The following UBN2 variants were observed in gnomAD, a reference collection of about 807,000 sequenced individuals.
UBN2 encodes the protein ubinuclein 2.
In UBN2, 35 loss-of-function variants were observed where a neutral mutation model predicts 120.2. That is an observed-to-expected ratio of 0.29 (90% CI 0.22 to 0.39). The LOEUF is 0.39. Ranked by LOEUF, UBN2 falls within the 10% of genes least tolerant of loss-of-function variation. The probability of loss-of-function intolerance (pLI) is 1.00; values close to 1 mark genes in which losing one functional copy is unlikely to be tolerated. For synonymous variants in UBN2, 661 were observed against 648.7 expected (o/e 1.02, Z -0.29); for missense variants, 1,693 against 1,663.2 (o/e 1.02, Z -0.31).
chr7:139,269,051 A>T (rs184861554), intron 7 of UBN2, among the ~76,000 whole-genome samples: 1 of 152,146 alleles, frequency 6.6e-6, no homozygotes, highest in Non-Finnish European at 1.5e-5. Flanking sequence ...TACTAAAAAT[A>T]CAAAAAACTT....
At chr7:139,254,652 A>G (rs2130966094) in intron 3 of UBN2, among the ~76,000 whole-genome samples, 1 of 152,386 alleles carries the variant, frequency 6.6e-6, no homozygotes, top group East Asian at 1.9e-4. Context: ...AACATGAAGC[A>G]AGTGCAAAGC....
At position 139,293,089 on chromosome 7, in the gene UBN2, C is replaced by T. The variant is rs80146900; in HGVS notation, c.3670-143C>T. ...AAATAACAGCGTCTAAGGAACCTACCGTGGTAATGAAGAGCCTGTCTCACA... is the reference window on the plus strand; with the variant it reads ...AAATAACAGCGTCTAAGGAACCTACTGTGGTAATGAAGAGCCTGTCTCACA... On this transcript the variant is annotated intron_variant, in intron 15 of 17. Coordinates refer to ENST00000473989, the MANE Select transcript of UBN2 (RefSeq NM_173569.4). The T allele has an allele frequency of 8.9e-3, 5,875 of 658,786 alleles. 118 individuals carry two copies. The highest frequency in any genetic ancestry group is 0.057 in the African/African-American group (3,150 of 55,136). 40.8% of individuals were successfully genotyped at this position (658,786 alleles called of 1,614,324 possible). A position where few individuals can be genotyped will look rare whatever the true frequency, so the allele number is the denominator to read the frequency against.
chr7:139,313,461 CTG>C, the UBN2 span, among the ~76,000 whole-genome samples: 1 of 152,118 alleles, frequency 6.6e-6, no homozygotes, highest in Admixed American at 6.5e-5. Flanking sequence ...TTTTGCTAAA[CTG>C]TTATTCTAAT....
At chr7:139,291,060 C>T (rs1258331632) in intron 15 of UBN2, among the ~76,000 whole-genome samples, 1 of 152,086 alleles carries the variant, frequency 6.6e-6, no homozygotes, top group Admixed American at 6.6e-5. Context: ...ATTCCATTTT[C>T]CTGATCAAAT....
At chr7:139,239,644 A>G (rs573375741) in intron 2 of UBN2, among the ~76,000 whole-genome samples, 1 of 133,690 alleles carries the variant, frequency 7.5e-6, no homozygotes, top group Admixed American at 9.2e-5. Flanking sequence ...TGCAACCTCC[A>G]CTTCCCAGGT....
At chr7:139,318,638 G>A in the UBN2 span, among the ~76,000 whole-genome samples, 1 of 152,028 alleles carries the variant, frequency 6.6e-6, no homozygotes, top group South Asian at 2.1e-4. Flanking sequence ...TGGGACTACA[G>A]GTGCGTGCCA....
intron 2 of UBN2, among the ~76,000 whole-genome samples, chr7:139,240,273 G>T (rs1462634169): frequency 6.6e-6 from 1 of 150,538 alleles, no homozygotes; most frequent in Non-Finnish European, 1.5e-5. Flanking sequence ...TATGAGTATT[G>T]TGTGTGTGTG....
the UBN2 span, among the ~76,000 whole-genome samples, chr7:139,326,351 C>T: frequency 1.3e-5 from 2 of 152,184 alleles, no homozygotes; most frequent in South Asian, 2.1e-4. Flanking sequence ...TGGCAGAACC[C>T]TCCTATCATT....
chr7:139,329,643 C>T, the UBN2 span, among the ~76,000 whole-genome samples: 6 of 152,052 alleles, frequency 3.9e-5, no homozygotes, highest in African/African-American at 7.2e-5. Flanking sequence ...TAGGAACTGG[C>T]GTGAGAGCAT....
intron 17 of UBN2, among the ~76,000 whole-genome samples, chr7:139,295,734 A>G (rs1798092161): frequency 6.6e-6 from 1 of 152,230 alleles, no homozygotes; most frequent in South Asian, 2.1e-4. Context: ...AACCTGGTCA[A>G]CATGGTGAAA....
chr7:139,310,648 C>G (rs949481919), downstream of UBN2, among the ~76,000 whole-genome samples: 1 of 152,134 alleles, frequency 6.6e-6, no homozygotes, highest in African/African-American at 2.4e-5. Flanking sequence ...TGACTCATGT[C>G]TGTAATCCCA....
Position 139,298,574 on chromosome 7 carries a change from T to C in UBN2, c.*738T>C, listed in dbSNP as rs1186006576. ...TGTCCCCTTTTTGTAAAAGGGTCAA[T>C]TTCATCTTCCGTTCAGAAGCAGGTA... On this transcript the variant is annotated 3_prime_UTR_variant, in exon 18 of 18. Coordinates refer to ENST00000473989, the MANE Select transcript of UBN2 (RefSeq NM_173569.4). 6.6e-6 allele frequency: 1 copy of C among 152,058 alleles called. No individual in the cohort carries two copies. Among genetic ancestry groups the C allele is most frequent in the Non-Finnish European group, 1.5e-5 (1 of 68,000 alleles). 9.4% of individuals were successfully genotyped at this position (152,058 alleles called of 1,614,324 possible).
intron 15 of UBN2, among the ~76,000 whole-genome samples, chr7:139,291,758 G>A (rs1454531941): frequency 6.6e-6 from 1 of 152,142 alleles, no homozygotes; most frequent in Non-Finnish European, 1.5e-5. Flanking sequence ...GGAGGCTGAG[G>A]TGGGAGGATC....
the UBN2 span, among the ~76,000 whole-genome samples, chr7:139,318,642 C>T: frequency 1.8e-3 from 269 of 152,116 alleles, 1 homozygote; most frequent in Non-Finnish European, 3.5e-3. Flanking sequence ...ACTACAGGTG[C>T]GTGCCACCAT....
intron 3 of UBN2, among the ~76,000 whole-genome samples, chr7:139,256,808 A>G (rs1004220713): frequency 6.6e-6 from 1 of 152,184 alleles, no homozygotes; most frequent in Non-Finnish European, 1.5e-5. Flanking sequence ...GTAGAACGAT[A>G]AGAAAGTAGT....
chr7:139,261,494 T>C lies in UBN2; in HGVS notation c.1148T>C (p.Ile383Thr). The C allele has an allele frequency of 6.2e-7, 1 of 1,614,230 alleles. No homozygotes were observed. Among genetic ancestry groups the C allele is most frequent in the East Asian group, 2.2e-5 (1 of 44,890 alleles). ...NLSSGDPDLP[I>T]FVSTNEHELF... The stretch of plus-strand genomic sequence containing the variant: ...AGCAGCGGTGATCCAGACCTTCCCA[T>C]TTTTGTTAGCACAAATGAACATGAG... Residue 383 changes from isoleucine (I) to threonine (T), a missense_variant, in exon 6 of 18, where the codon ATT (isoleucine) becomes ACT (threonine). Transcript: ENST00000473989.
rs1345743188 is a variant in UBN2, at chr7:139,284,193, A to C, written c.3288A>C (p.Ala1096=). Residue 1096 remains alanine, a synonymous_variant, in exon 15 of 18, where the codon GCA becomes GCC. Transcript: ENST00000473989. ...CCCCAAGTAGTTCCAGTCCAAATGC[A>C]CTAGTTGCCCAGGGTAGCCACTCCA... The part of the protein sequence containing the change: ...TVSPSSSSPN[A]LVAQGSHSST... 2 of 1,614,122 alleles carry C rather than the reference A, an allele frequency of 1.2e-6. No individual in the cohort carries two copies. Among genetic ancestry groups the C allele is most frequent in the Admixed American group, 3.3e-5 (2 of 60,018 alleles).
At chr7:139,249,644 G>A (rs542461290) in intron 2 of UBN2, among the ~76,000 whole-genome samples, 1 of 152,290 alleles carries the variant, frequency 6.6e-6, no homozygotes, top group South Asian at 2.1e-4. Context: ...AAGGCTCACT[G>A]TGGCTTAGTG....
chr7:139,276,229 A>ACT, intron 12 of UBN2, 82 bp downstream of exon 12: 1 of 1,291,098 alleles, frequency 7.7e-7, no homozygotes, highest in Non-Finnish European at 1.1e-6. Flanking sequence ...ATTAAATGCT[A>ACT]GTTGGAATAG....
Sources: gnomAD v4.1 joint callset for allele counts (sites outside exome capture counted in the v4.1 genomes callset) on GRCh38, gnomAD v4.1.1 for gene constraint, MANE v1.5 for transcripts, NCBI Gene and HGNC (gene_info 2026-07-23, HGNC 2026-07-21) for gene names.